RASSF6: variants seen among roughly 807,000 people sequenced by gnomAD.
RASSF6 encodes the protein ras association domain-containing protein 6.
In RASSF6, 52 loss-of-function variants were observed where a neutral mutation model predicts 44.0. The ratio of observed to expected loss-of-function variants is 1.18; its 90% confidence interval spans 0.95 to 1.49. RASSF6 has a LOEUF of 1.49. Ranked by LOEUF, RASSF6 falls within the 40% of genes most tolerant of loss-of-function variation. The probability of loss-of-function intolerance (pLI) is 0.00; values close to 1 mark genes in which losing one functional copy is unlikely to be tolerated. For missense variants in RASSF6, 464 were observed against 393.3 expected (o/e 1.18, Z -1.52); for synonymous variants, 162 against 124.6 (o/e 1.30, Z -2.00).
intron 2 of RASSF6, among the ~76,000 whole-genome samples, chr4:73,600,349 C>T (rs1725199724): frequency 6.6e-6 from 1 of 150,578 alleles, no homozygotes; most frequent in African/African-American, 2.4e-5. Context: ...CAACAATAAA[C>T]AAAGGAAGAA....
chr4:73,589,641 T>G (rs578096526), intron 4 of RASSF6, among the ~76,000 whole-genome samples: 1 of 152,094 alleles, frequency 6.6e-6, no homozygotes, highest in African/African-American at 2.4e-5. Context: ...CTGGATTGTG[T>G]AATTTGAAGC....
chr4:73,615,964 G>A (rs1177221724), intron 1 of RASSF6: 1 of 1,536,200 alleles, frequency 6.5e-7, no homozygotes, highest in Admixed American at 2.0e-5. Context: ...AAATGGGTCA[G>A]TCATTTAAAG....
chr4:73,583,968 G>A (rs1307773727), intron 6 of RASSF6, among the ~76,000 whole-genome samples: 2 of 152,012 alleles, frequency 1.3e-5, no homozygotes, highest in Non-Finnish European at 2.9e-5. Context: ...CAATCTGAAA[G>A]CCACTTGCTT....
Position 73,620,304 on chromosome 4 carries a change from G to A in RASSF6, c.-51C>T. Reference sequence around the variant, plus strand: ...ATTTTTTACCTGTTATTCACACTGTGAGCAGGAGGACCCTTTTCACCATCG... The same window carrying A: ...ATTTTTTACCTGTTATTCACACTGTAAGCAGGAGGACCCTTTTCACCATCG... On this transcript the variant is annotated 5_prime_UTR_variant, in exon 1 of 11. Transcript: ENST00000307439. 6 of 1,458,592 alleles carry A rather than the reference G, an allele frequency of 4.1e-6. No homozygotes were observed. Among genetic ancestry groups the A allele is most frequent in the African/African-American group, 1.5e-5 (1 of 68,366 alleles). 90.4% of individuals were successfully genotyped at this position (1,458,592 alleles called of 1,614,324 possible).
chr4:73,610,101 C>T (rs1725904624), intron 2 of RASSF6, among the ~76,000 whole-genome samples: 1 of 152,116 alleles, frequency 6.6e-6, no homozygotes, highest in African/African-American at 2.4e-5. Context: ...CAAACCTGCT[C>T]CTCCTGTAGC....
At chr4:73,614,718 A>G (rs1461428801) in intron 1 of RASSF6, among the ~76,000 whole-genome samples, 1 of 152,228 alleles carries the variant, frequency 6.6e-6, no homozygotes, top group African/African-American at 2.4e-5. Flanking sequence ...CTGTTGATCT[A>G]TGCTGAGGTA....
chr4:73,590,373 C>T (rs757623213), intron 4 of RASSF6, among the ~76,000 whole-genome samples: 2 of 152,154 alleles, frequency 1.3e-5, no homozygotes, highest in African/African-American at 2.4e-5. Flanking sequence ...CCACGTTTAC[C>T]CACTGCAGAT....
intron 2 of RASSF6, chr4:73,604,535 T>C (rs1725495603): frequency 6.6e-6 from 1 of 152,172 alleles, no homozygotes; most frequent in Admixed American, 6.6e-5. Flanking sequence ...TGTGTTGCCA[T>C]GTTTAAGAGC....
At chr4:73,603,687 G>C (rs951537265) in intron 2 of RASSF6, among the ~76,000 whole-genome samples, 5 of 152,206 alleles carry the variant, frequency 3.3e-5, no homozygotes, top group Non-Finnish European at 7.3e-5. Context: ...AGCATGAAAT[G>C]AGTTCCTCAA....
intron 4 of RASSF6, 115 bp downstream of exon 4, chr4:73,593,336 G>A: frequency 2.9e-6 from 3 of 1,050,808 alleles, no homozygotes; most frequent in Non-Finnish European, 4.1e-6. Flanking sequence ...AATTAAATGA[G>A]ATTGTGTGTA....
intron 3 of RASSF6, among the ~76,000 whole-genome samples, chr4:73,596,858 A>T (rs1229588622): frequency 6.6e-6 from 1 of 152,180 alleles, no homozygotes; most frequent in Non-Finnish European, 1.5e-5. Flanking sequence ...ATATGACAAA[A>T]ACAAGCAGAG....
At chr4:73,620,467 G>C, upstream of RASSF6, 1 of 1,547,124 alleles carries the variant, frequency 6.5e-7, no homozygotes, top group Non-Finnish European at 8.7e-7. Context: ...GCCCGCGCGG[G>C]CGCAGGGGCG....
intron 2 of RASSF6, chr4:73,604,329 G>A (rs1323696591): frequency 1.3e-5 from 2 of 152,258 alleles, no homozygotes; most frequent in African/African-American, 2.4e-5. Flanking sequence ...GAAAAAAATA[G>A]CCAGGTGTGG....
intron 4 of RASSF6, among the ~76,000 whole-genome samples, chr4:73,590,480 A>C (rs1244367738): frequency 6.6e-6 from 1 of 152,224 alleles, no homozygotes; most frequent in Non-Finnish European, 1.5e-5. Flanking sequence ...GAAAACAGTA[A>C]ATTTCTTTTC....
intron 3 of RASSF6, 50 bp from the exon 4 acceptor site, chr4:73,593,643 C>T (rs780323535): frequency 2.1e-5 from 32 of 1,520,664 alleles, no homozygotes; most frequent in Non-Finnish European, 2.6e-5. Context: ...TATTTATAGA[C>T]GGTAAATGTT....
At chr4:73,588,556 AG>A (rs1724279504) in intron 4 of RASSF6, among the ~76,000 whole-genome samples, 1 of 152,056 alleles carries the variant, frequency 6.6e-6, no homozygotes, top group Non-Finnish European at 1.5e-5. Context: ...TTTTTACGGC[AG>A]GTCAAAACTC....
At chr4:73,611,357 A>G (rs1198176415) in intron 2 of RASSF6, among the ~76,000 whole-genome samples, 2 of 152,208 alleles carry the variant, frequency 1.3e-5, no homozygotes, top group Admixed American at 6.5e-5. Flanking sequence ...AAGTGTCATG[A>G]GGAGCAAGGG....
intron 2 of RASSF6, among the ~76,000 whole-genome samples, chr4:73,599,865 A>G (rs1426116798): frequency 2.6e-5 from 4 of 151,924 alleles, no homozygotes; most frequent in Non-Finnish European, 5.9e-5. Context: ...GTCTTCTGTT[A>G]CCTCTTTCAT....
intron 2 of RASSF6, among the ~76,000 whole-genome samples, chr4:73,610,975 T>G (rs1560461190): frequency 6.6e-6 from 1 of 152,192 alleles, no homozygotes; most frequent in Non-Finnish European, 1.5e-5. Context: ...TAGTTCATCC[T>G]TATCTTTCAG....
Sources: gnomAD v4.1 joint callset for allele counts (sites outside exome capture counted in the v4.1 genomes callset) on GRCh38, gnomAD v4.1.1 for gene constraint, MANE v1.5 for transcripts, NCBI Gene and HGNC (gene_info 2026-07-23, HGNC 2026-07-21) for gene names.